The following CFAP299 variants were observed in gnomAD, a reference collection of about 807,000 sequenced individuals.
The protein encoded by CFAP299 is cilia and flagella associated protein 299, also known as cilia- and flagella-associated protein 299.
CFAP299 carries 21 observed loss-of-function variants against 27.0 expected under a neutral mutation model. The ratio of observed to expected loss-of-function variants is 0.78; its 90% confidence interval spans 0.55 to 1.12. CFAP299 has a LOEUF of 1.12. CFAP299 is among the 50% of genes most tolerant of loss of function. The probability of loss-of-function intolerance (pLI) is 0.00; values close to 1 mark genes in which losing one functional copy is unlikely to be tolerated. For missense variants in CFAP299, 310 were observed against 276.6 expected (o/e 1.12, Z -0.86); for synonymous variants, 104 against 98.1 (o/e 1.06, Z -0.36).
chr4:80,733,040 G>T (rs1560723131), intron 3 of CFAP299, among the ~76,000 whole-genome samples: 1 of 152,024 alleles, frequency 6.6e-6, no homozygotes, highest in African/African-American at 2.4e-5. Context: ...CTTATCATCT[G>T]TATGTGGCTA....
chr4:80,709,730 T>C (rs1722029757), intron 3 of CFAP299, among the ~76,000 whole-genome samples: 1 of 152,200 alleles, frequency 6.6e-6, no homozygotes, highest in South Asian at 2.1e-4. Flanking sequence ...GAATTTTGAT[T>C]TCGCTGATGT....
At chr4:80,547,011 C>T (rs180796352) in intron 2 of CFAP299, among the ~76,000 whole-genome samples, 1 of 151,776 alleles carries the variant, frequency 6.6e-6, no homozygotes, top group Non-Finnish European at 1.5e-5. Context: ...TCATTTTTCA[C>T]AGAATTAAAA....
chr4:80,834,071 T>C (rs142386143), intron 3 of CFAP299, among the ~76,000 whole-genome samples: 353 of 152,362 alleles, frequency 2.3e-3, no homozygotes, highest in African/African-American at 8.3e-3. Flanking sequence ...TGTATGCACA[T>C]ATGAAGAAGC....
At chr4:80,332,406 T>G (rs927210803), upstream of CFAP299, among the ~76,000 whole-genome samples, 1 of 151,834 alleles carries the variant, frequency 6.6e-6, no homozygotes, top group Non-Finnish European at 1.5e-5. Context: ...AGAGAAGAGA[T>G]AAATTAACAA....
intron 3 of CFAP299, among the ~76,000 whole-genome samples, chr4:80,670,545 A>T (rs747874077): frequency 2.6e-4 from 39 of 152,166 alleles, no homozygotes; most frequent in Non-Finnish European, 5.4e-4. Flanking sequence ...CTAGATCTAG[A>T]TCCTTGAGGA....
At chr4:80,915,479 A>T (rs2110206869) in intron 4 of CFAP299, among the ~76,000 whole-genome samples, 1 of 151,720 alleles carries the variant, frequency 6.6e-6, no homozygotes, top group African/African-American at 2.4e-5. Flanking sequence ...GTGTAATTTT[A>T]TTTTTTACAT....
intron 3 of CFAP299, among the ~76,000 whole-genome samples, chr4:80,786,306 T>C (rs1385614024): frequency 6.6e-6 from 1 of 151,988 alleles, no homozygotes; most frequent in Non-Finnish European, 1.5e-5. Context: ...TTAAAACCAA[T>C]GAAAACACAG....
chr4:80,867,641 C>T (rs1241387293), intron 3 of CFAP299, among the ~76,000 whole-genome samples: 4 of 152,102 alleles, frequency 2.6e-5, no homozygotes, highest in Non-Finnish European at 4.4e-5. Context: ...ATCTTCTTGC[C>T]GTGTCCTCAC....
At chr4:80,742,029 A>G (rs1306050279) in intron 3 of CFAP299, among the ~76,000 whole-genome samples, 5 of 152,226 alleles carry the variant, frequency 3.3e-5, no homozygotes, top group Middle Eastern at 3.4e-3. Flanking sequence ...CCAAAAGTAC[A>G]CTGATTATCT....
intron 2 of CFAP299, among the ~76,000 whole-genome samples, chr4:80,371,065 C>T (rs1249961927): frequency 6.6e-6 from 1 of 152,226 alleles, no homozygotes; most frequent in African/African-American, 2.4e-5. Flanking sequence ...CAAGCCTCAA[C>T]TCCTCCATTC....
chr4:80,512,174 T>C (rs531130489), intron 2 of CFAP299, among the ~76,000 whole-genome samples: 1 of 152,166 alleles, frequency 6.6e-6, no homozygotes, highest in East Asian at 1.9e-4. Flanking sequence ...AAAAAATCAA[T>C]TTCACTTATT....
chr4:80,632,598 T>C (rs1034324923), intron 3 of CFAP299, among the ~76,000 whole-genome samples: 4 of 152,130 alleles, frequency 2.6e-5, no homozygotes. Flanking sequence ...TATTTAATAA[T>C]GGCATGCAGA....
At chr4:80,417,586 A>G (rs1472855385) in intron 2 of CFAP299, among the ~76,000 whole-genome samples, 1 of 152,124 alleles carries the variant, frequency 6.6e-6, no homozygotes, top group Non-Finnish European at 1.5e-5. Flanking sequence ...TTTTCCTATA[A>G]CAGATGGATT....
chr4:80,757,072 A>G (rs1054855970), intron 3 of CFAP299, among the ~76,000 whole-genome samples: 2 of 152,190 alleles, frequency 1.3e-5, no homozygotes, highest in South Asian at 2.1e-4. Flanking sequence ...TAAATAAATA[A>G]AAGTTTAGAA....
intron 3 of CFAP299, among the ~76,000 whole-genome samples, chr4:80,816,140 G>T (rs1029651778): frequency 6.6e-6 from 1 of 151,778 alleles, no homozygotes; most frequent in African/African-American, 2.4e-5. Context: ...ATGAGAATAA[G>T]ATTTAAAAAA....
intron 2 of CFAP299, among the ~76,000 whole-genome samples, chr4:80,475,889 T>C (rs1241202976): frequency 6.6e-6 from 1 of 152,200 alleles, no homozygotes; most frequent in African/African-American, 2.4e-5. Context: ...GGAAAGGGAC[T>C]GAGAAAAAGA....
rs574095602 is a variant in CFAP299 at position 80,378,739 on chromosome 4, T to C, written c.242+15855T>C. On this transcript the variant is annotated intron_variant, in intron 2 of 5. Transcript: ENST00000358105. Reference sequence around the variant, plus strand: ...TTTACATTGATTGATTTTTCACAGGTTTAACCAACTTGCATTCATGGGAGA... The same window carrying C: ...TTTACATTGATTGATTTTTCACAGGCTTAACCAACTTGCATTCATGGGAGA... Among the ~76,000 whole-genome samples the C allele has an allele frequency of 7.2e-5, 11 of 152,276 alleles. No homozygotes were observed. The East Asian group carries it at 2.1e-3, about 29-fold the overall frequency.
chr4:80,860,905 A>T (rs1420120803), intron 3 of CFAP299, among the ~76,000 whole-genome samples: 1 of 152,164 alleles, frequency 6.6e-6, no homozygotes, highest in Non-Finnish European at 1.5e-5. Flanking sequence ...TCAGATCTTC[A>T]GCTGCGTGCT....
chr4:80,826,074 C>T (rs1191033292), intron 3 of CFAP299, among the ~76,000 whole-genome samples: 5 of 151,580 alleles, frequency 3.3e-5, no homozygotes, highest in South Asian at 2.1e-4. Flanking sequence ...GTTGTGATAA[C>T]GATAATGAAA....
Sources: gnomAD v4.1 joint callset for allele counts (sites outside exome capture counted in the v4.1 genomes callset) on GRCh38, gnomAD v4.1.1 for gene constraint, MANE v1.5 for transcripts, NCBI Gene and HGNC (gene_info 2026-07-23, HGNC 2026-07-21) for gene names.